The following LRRC4C variants were observed in gnomAD, a reference collection of about 807,000 sequenced individuals.
The protein encoded by LRRC4C is leucine rich repeat containing 4C.
LRRC4C carries 5 observed loss-of-function variants against 33.6 expected under a neutral mutation model. The observed-to-expected ratio is 0.15, with a 90% CI of 0.08 to 0.31. The LOEUF (loss-of-function observed/expected upper bound fraction) is 0.31, where lower values mean the gene tolerates loss of function less well. LRRC4C is among the 10% of genes least tolerant of loss of function. The pLI is 1.00. For synonymous variants in LRRC4C, 329 were observed against 302.0 expected, an observed-to-expected ratio of 1.09 and a Z score of -0.93; for missense variants, 560 against 796.7, an observed-to-expected ratio of 0.70 and a Z score of 3.58.
chr11:41,039,081 A>G (rs1565325599), intron 1 of LRRC4C, among the ~76,000 whole-genome samples: 1 of 152,188 alleles, frequency 6.6e-6, no homozygotes, highest in African/African-American at 2.4e-5. Flanking sequence ...CATTTAAATC[A>G]TTAAATCCTT....
At chr11:40,663,702 T>C (rs1351716693) in intron 2 of LRRC4C, among the ~76,000 whole-genome samples, 2 of 152,136 alleles carry the variant, frequency 1.3e-5, no homozygotes, top group Admixed American at 6.6e-5. Context: ...CCATTCAACA[T>C]GAAGTTATAC....
At chr11:41,331,062 T>G (rs1449168994) in intron 1 of LRRC4C, among the ~76,000 whole-genome samples, 2 of 152,198 alleles carry the variant, frequency 1.3e-5, no homozygotes, top group African/African-American at 4.8e-5. Flanking sequence ...GCCTGGTACT[T>G]CCTTAGCTGA....
intron 1 of LRRC4C, among the ~76,000 whole-genome samples, chr11:41,328,366 T>C (rs1951187839): frequency 6.6e-6 from 1 of 152,082 alleles, no homozygotes; most frequent in South Asian, 2.1e-4. Context: ...GCAGAATCTT[T>C]GTTTTGAGTT....
At chr11:40,444,052 C>T (rs1377361561) in intron 3 of LRRC4C, among the ~76,000 whole-genome samples, 1 of 152,098 alleles carries the variant, frequency 6.6e-6, no homozygotes, top group African/African-American at 2.4e-5. Flanking sequence ...TTTAGGGATG[C>T]CTTACAGGGG....
At chr11:41,290,314 A>C (rs1591172108) in intron 1 of LRRC4C, among the ~76,000 whole-genome samples, 1 of 152,210 alleles carries the variant, frequency 6.6e-6, no homozygotes, top group African/African-American at 2.4e-5. Context: ...TTTCTATACA[A>C]GTTTGTGGTG....
At chr11:40,483,428 C>T (rs1953693332) in intron 3 of LRRC4C, among the ~76,000 whole-genome samples, 1 of 151,954 alleles carries the variant, frequency 6.6e-6, no homozygotes, top group Admixed American at 6.6e-5. Flanking sequence ...AGTCTTGCTG[C>T]AAAGAAACAA....
chr11:40,714,669 ATTG>A (rs770820457), intron 2 of LRRC4C, among the ~76,000 whole-genome samples: 2 of 152,196 alleles, frequency 1.3e-5, no homozygotes, highest in Non-Finnish European at 2.9e-5. Context: ...GGAGGCTGAT[ATTG>A]TTATGATTAT....
intron 2 of LRRC4C, among the ~76,000 whole-genome samples, chr11:40,907,351 T>A (rs1956468545): frequency 6.6e-6 from 1 of 152,196 alleles, no homozygotes. Context: ...AAGAGGATGC[T>A]GTCAGCATTT....
intron 3 of LRRC4C, among the ~76,000 whole-genome samples, chr11:40,518,904 C>T (rs780077575): frequency 2.6e-5 from 4 of 152,166 alleles, no homozygotes; most frequent in Non-Finnish European, 4.4e-5. Context: ...CCATGGAATA[C>T]TATGCAGCCA....
At chr11:41,108,842 A>G (rs1287222512) in intron 1 of LRRC4C, among the ~76,000 whole-genome samples, 2 of 152,098 alleles carry the variant, frequency 1.3e-5, no homozygotes, top group Admixed American at 1.3e-4. Flanking sequence ...ATAAAAATTA[A>G]CAACCTACCA....
chr11:41,388,430 T>C (rs1387909155), intron 1 of LRRC4C, among the ~76,000 whole-genome samples: 2 of 151,832 alleles, frequency 1.3e-5, no homozygotes, highest in Non-Finnish European at 1.5e-5. Flanking sequence ...ATGACCCACA[T>C]GGTACTGGGG....
At chr11:41,031,370 G>T (rs766998309) in intron 1 of LRRC4C, among the ~76,000 whole-genome samples, 1 of 151,866 alleles carries the variant, frequency 6.6e-6, no homozygotes, top group Non-Finnish European at 1.5e-5. Context: ...TGGGCACCCG[G>T]TATATCTTTG....
intron 3 of LRRC4C, among the ~76,000 whole-genome samples, chr11:40,388,059 TTTCA>T (rs1949181501): frequency 1.3e-5 from 2 of 152,224 alleles, no homozygotes; most frequent in East Asian, 3.9e-4. Flanking sequence ...TGATCTGATT[TTTCA>T]TATGTAGTAA....
At chr11:41,143,964 CAA>C (rs1943623347) in intron 1 of LRRC4C, among the ~76,000 whole-genome samples, 1 of 152,118 alleles carries the variant, frequency 6.6e-6, no homozygotes, top group Admixed American at 6.6e-5. Flanking sequence ...GTTTTGAGTT[CAA>C]AGAGTGTACT....
intron 5 of LRRC4C, among the ~76,000 whole-genome samples, chr11:40,199,482 G>T (rs763715250): frequency 5.3e-5 from 8 of 152,084 alleles, no homozygotes; most frequent in Non-Finnish European, 1.2e-4. Flanking sequence ...AACCCTGATT[G>T]CAATGAGCCA....
At chr11:40,570,786 A>T (rs967991486) in intron 3 of LRRC4C, among the ~76,000 whole-genome samples, 2 of 152,136 alleles carry the variant, frequency 1.3e-5, no homozygotes, top group African/African-American at 4.8e-5. Flanking sequence ...TGAAGATTTA[A>T]ATTGATTCTT....
intron 1 of LRRC4C, among the ~76,000 whole-genome samples, chr11:41,008,135 C>A (rs2137484371): frequency 6.6e-6 from 1 of 152,188 alleles, no homozygotes; most frequent in South Asian, 2.1e-4. Context: ...TAATCATACC[C>A]AATTCCAAGC....
chr11:40,967,388 G>A lies in LRRC4C; in HGVS notation c.-495-33665C>T, dbSNP rs536375102. Reference sequence around the variant, plus strand: ...AAGCATACTTGTATCTTTCATTTTTGTTTACTATGTCCAGGCACAATTCAT... The same window carrying A: ...AAGCATACTTGTATCTTTCATTTTTATTTACTATGTCCAGGCACAATTCAT... On this transcript the variant is annotated intron_variant, in intron 1 of 6. Transcript: ENST00000528697. 2.0e-5 allele frequency among the ~76,000 whole-genome samples: 3 copies of A among 152,018 alleles called. No individual in the cohort carries two copies. In the East Asian group the frequency reaches 5.8e-4, roughly 29 times the overall value.
At chr11:40,174,223 A>C (rs1310588923) in intron 5 of LRRC4C, among the ~76,000 whole-genome samples, 1 of 152,224 alleles carries the variant, frequency 6.6e-6, no homozygotes, top group Non-Finnish European at 1.5e-5. Context: ...GATGGACAAG[A>C]CTGATGCCTT....
Sources: gnomAD v4.1 joint callset for allele counts (sites outside exome capture counted in the v4.1 genomes callset) on GRCh38, gnomAD v4.1.1 for gene constraint, MANE v1.5 for transcripts, NCBI Gene and HGNC (gene_info 2026-07-23, HGNC 2026-07-21) for gene names.